The following MYOM1 variants were observed in gnomAD, a reference collection of about 807,000 sequenced individuals.
The protein encoded by MYOM1 is myomesin-1.
In MYOM1, 164 loss-of-function variants were observed where a neutral mutation model predicts 205.3. The ratio of observed to expected loss-of-function variants is 0.80; its 90% CI spans 0.70 to 0.91. The LOEUF (loss-of-function observed/expected upper bound fraction) is 0.91. Among genes scored for constraint, MYOM1 ranks in the 40% least tolerant of loss-of-function variants. MYOM1 has a pLI of 0.00. For missense variants in MYOM1, 2,011 were observed against 2,127.3 expected (o/e 0.95, Z 1.08); for synonymous variants, 772 against 789.4 (o/e 0.98, Z 0.37).
At chr18:3,186,025 G>A (rs776561653) in intron 5 of MYOM1, among the ~76,000 whole-genome samples, 4 of 152,044 alleles carry the variant, frequency 2.6e-5, no homozygotes, top group Admixed American at 6.6e-5. Flanking sequence ...GCAAAACCCC[G>A]TCTCTACTGA....
Position 3,152,632 on chromosome 18 carries a change from C to A in MYOM1, c.1644-739G>T, listed in dbSNP as rs181107873. Among the ~76,000 whole-genome samples the A allele has an allele frequency of 3.2e-3, 490 of 152,270 alleles. 1 individual carries two copies. The highest frequency in any genetic ancestry group is 0.011 in the African/African-American group (462 of 41,556). ...CATGCTGTTGGCCTGATCAACAAAG[C>A]TTTAGGGGTTCAACATGTGATTAAA... On this transcript the variant is annotated intron_variant, in intron 11 of 37. Coordinates refer to ENST00000356443, the MANE Select transcript of MYOM1 (RefSeq NM_003803.4). This position sits in a 1 kb window ranked among gnomAD's most constrained non-coding sequence, Gnocchi z 4.3.
chr18:3,237,587 A>T, the MYOM1 span, among the ~76,000 whole-genome samples: 1 of 145,070 alleles, frequency 6.9e-6, no homozygotes, highest in African/African-American at 2.6e-5. Context: ...CAACAGTGCA[A>T]GACTCCGTCT....
chr18:3,169,110 G>A, intron 8 of MYOM1, 129 bp from the exon 9 acceptor site: 7 of 782,762 alleles, frequency 8.9e-6, no homozygotes, highest in South Asian at 3.6e-5. Flanking sequence ...GATTTAACTG[G>A]GTCAAAATGA....
At position 3,134,632 on chromosome 18, in the gene MYOM1, C is replaced by T. The variant is rs1219322989; in HGVS notation, c.2384+18G>A. ...GCTCCAGAGGCCATTGCCCGCCCTG[C>T]ACACCCGACTGAGTTACCGTGAGCC... On this transcript the variant is annotated intron_variant, in intron 16 of 37. Transcript: ENST00000356443. The T allele has an allele frequency of 6.3e-7, 1 of 1,598,952 alleles. No homozygotes were observed. Among genetic ancestry groups the T allele is most frequent in the Non-Finnish European group, 8.5e-7 (1 of 1,169,706 alleles).
chr18:3,082,295 G>A lies in MYOM1; in HGVS notation c.4484+1494C>T, dbSNP rs370342996. ...TCACACGGCTGGAATCCAGTGGCAG[G>A]TAGTACCATGATGAACCGGGCTCTG... On this transcript the variant is annotated intron_variant, in intron 33 of 37. Coordinates refer to ENST00000356443, the MANE Select transcript of MYOM1 (RefSeq NM_003803.4). 3.5e-4 allele frequency among the ~76,000 whole-genome samples: 53 copies of A among 152,284 alleles called. No individual in the cohort carries two copies. In the East Asian group the frequency reaches 9.1e-3, roughly 26 times the overall value.
In MYOM1 at chr18:3,187,489, C is replaced by G. The variant is rs199520642; in HGVS notation, c.920G>C (p.Arg307Pro). The change falls in exon 5 of 38, where the codon CGT becomes CCT. Residue 307 changes from arginine (R) to proline (P), a missense_variant. Coordinates refer to ENST00000356443, the MANE Select transcript of MYOM1 (RefSeq NM_003803.4). ...HCSIAGWPEP[R>P]VTWYKNQVPI... ...CATAAAGATAACATACCACGTGACA[C>G]GAGGTTCTGGCCAGCCTGCTATGGA... The G allele has an allele frequency of 1.9e-4, 301 of 1,613,266 alleles. No individual in the cohort carries two copies. Among genetic ancestry groups the G allele is most frequent in the Non-Finnish European group, 2.4e-4 (288 of 1,179,468 alleles).
chr18:3,094,659 T>C (rs575323391), intron 25 of MYOM1, among the ~76,000 whole-genome samples: 2 of 151,814 alleles, frequency 1.3e-5, no homozygotes, highest in South Asian at 4.2e-4. Flanking sequence ...GTTTTTTCTT[T>C]TTCTTTTTCT....
intron 13 of MYOM1, among the ~76,000 whole-genome samples, chr18:3,146,526 G>A (rs184799482): frequency 1.0e-3 from 152 of 152,108 alleles, no homozygotes; most frequent in Middle Eastern, 3.4e-3. Context: ...TCATACGATC[G>A]TCTCAATAGA....
At chr18:3,184,093 A>G (rs1365991081) in intron 5 of MYOM1, among the ~76,000 whole-genome samples, 1 of 151,976 alleles carries the variant, frequency 6.6e-6, no homozygotes, top group Non-Finnish European at 1.5e-5. Context: ...TTTAGTAGAG[A>G]CACGTTTTCT....
intron 1 of MYOM1, among the ~76,000 whole-genome samples, chr18:3,216,221 T>C (rs1213742865): frequency 3.9e-5 from 6 of 152,154 alleles, no homozygotes; most frequent in African/African-American, 1.4e-4. Context: ...GAGCCGAGGT[T>C]GCGCCACTGC....
chr18:3,102,570 C>A lies in MYOM1; in HGVS notation c.3479G>T (p.Cys1160Phe). 1 of 1,613,886 alleles carries A rather than the reference C, an allele frequency of 6.2e-7. No homozygotes were observed. The highest frequency in any genetic ancestry group is 8.5e-7 in the Non-Finnish European group (1 of 1,179,818). ...CTCGGACTTTGGAGTCATCTTATCA[C>A]ACTCGAAGTTCAATGAAATGACTCC... ...DDGVISLNFE[C>F]DKMTPKSEFS... Residue 1160 changes from cysteine to phenylalanine, a missense_variant, in exon 23 of 38, where the codon TGT (cysteine) becomes TTT (phenylalanine). Physicochemically the swap from Cys to Phe is radical, Grantham distance 205. Coordinates refer to ENST00000356443, the MANE Select transcript of MYOM1 (RefSeq NM_003803.4).
Position 3,215,236 on chromosome 18 carries a change from G to C in MYOM1, c.-13C>G. 1 of 1,595,644 alleles carries C rather than the reference G, an allele frequency of 6.3e-7. No homozygotes were observed. Among genetic ancestry groups the C allele is most frequent in the Non-Finnish European group, 8.6e-7 (1 of 1,169,402 alleles). ...AAGGCAAAGACATCCTGTGCCCCTT[G>C]AAGGAACCGGGCCACCTGAAGGAAA... is the stretch of plus-strand genomic sequence containing the variant. On this transcript the variant is annotated 5_prime_UTR_variant, in exon 2 of 38. Transcript: ENST00000356443.
intron 25 of MYOM1, among the ~76,000 whole-genome samples, chr18:3,096,801 C>A (rs867007342): frequency 3.9e-5 from 6 of 152,044 alleles, no homozygotes; most frequent in African/African-American, 1.4e-4. Context: ...GTACCCTCCA[C>A]CCACCCCCTC....
chr18:3,067,022 A>T lies in MYOM1; in HGVS notation c.*240T>A. 1.9e-6 allele frequency: 1 copy of T among 515,048 alleles called. No homozygotes were observed. The highest frequency in any genetic ancestry group is 3.5e-6 in the Non-Finnish European group (1 of 288,314). 31.9% of individuals were successfully genotyped at this position (515,048 alleles called of 1,614,324 possible). A position where few individuals can be genotyped will look rare whatever the true frequency, so the allele number is the denominator to read the frequency against. On this transcript the variant is annotated 3_prime_UTR_variant, in exon 38 of 38. Transcript: ENST00000356443. The stretch of plus-strand genomic sequence containing the variant: ...CAACTTCATTCAAGTCTTCTCCTTA[A>T]AACTGTTTCCTAATCTTCATGCTAT...
intron 27 of MYOM1, among the ~76,000 whole-genome samples, chr18:3,089,963 T>C (rs1423967026): frequency 6.6e-6 from 1 of 152,218 alleles, no homozygotes; most frequent in African/African-American, 2.4e-5. Context: ...TTTGCATATT[T>C]TTCTTCTCAA....
chr18:3,162,421 C>T (rs2080404686), intron 10 of MYOM1, among the ~76,000 whole-genome samples: 1 of 152,174 alleles, frequency 6.6e-6, no homozygotes, highest in Non-Finnish European at 1.5e-5. Flanking sequence ...GCCCTGCTTT[C>T]CCTACCCAAG....
intron 25 of MYOM1, among the ~76,000 whole-genome samples, chr18:3,095,663 C>T (rs2079294077): frequency 1.3e-5 from 2 of 152,174 alleles, no homozygotes; most frequent in African/African-American, 4.8e-5. Flanking sequence ...GGTTATCTTC[C>T]TCCCCTCACT....
rs201424582 is a variant in MYOM1 at position 3,067,479 on chromosome 18, G to A, written c.4841C>T (p.Ala1614Val). 3 of 1,613,806 alleles carry A rather than the reference G, an allele frequency of 1.9e-6. No individual in the cohort carries two copies. The East Asian group carries it at 6.7e-5, about 36-fold the overall frequency. The change falls in exon 38 of 38, where the codon GCC (alanine) becomes GTC (valine). Residue 1614 changes from alanine to valine, a missense_variant. Transcript: ENST00000356443. ...VSWLKNEKAL[A>V]SDDHCNLKFE... is the part of the protein sequence containing the mutation. ...CTTGAGGTTGCAGTGGTCGTCTGAG[G>A]CCAGGGCCTTCTCGTTCTTCAACCA... is the stretch of plus-strand genomic sequence containing the variant.
intron 8 of MYOM1, among the ~76,000 whole-genome samples, chr18:3,172,820 C>T (rs2080581075): frequency 6.6e-6 from 1 of 152,192 alleles, no homozygotes. Flanking sequence ...CCCAACTATT[C>T]TATCTCAACA....
Sources: allele counts gnomAD v4.1 joint callset (sites outside exome capture counted in the v4.1 genomes callset), GRCh38; gene constraint gnomAD v4.1.1; non-coding constraint Gnocchi (gnomAD v3.1); transcripts MANE v1.5; gene names NCBI Gene and HGNC (gene_info 2026-07-23, HGNC 2026-07-21).